ATP1B1: variants seen among roughly 807,000 people sequenced by gnomAD.
ATP1B1 encodes ATPase Na+/K+ transporting subunit beta 1.
In ATP1B1, 3 loss-of-function variants were observed where a neutral mutation model predicts 39.6. The observed-to-expected ratio is 0.08, with a 90% CI of 0.03 to 0.20. The LOEUF is 0.20. Among genes scored for constraint, ATP1B1 ranks in the 10% least tolerant of loss-of-function variants. The probability of loss-of-function intolerance (pLI) is 1.00; values close to 1 mark genes in which losing one functional copy is unlikely to be tolerated. For missense variants in ATP1B1, 216 were observed against 371.1 expected, an observed-to-expected ratio of 0.58 and a Z score of 3.43; for synonymous variants, 139 against 135.0, an observed-to-expected ratio of 1.03 and a Z score of -0.20.
chr1:169,115,150 A>C (rs1369970911), intron 2 of ATP1B1, among the ~76,000 whole-genome samples: 2 of 143,176 alleles, frequency 1.4e-5, no homozygotes, highest in Admixed American at 7.2e-5. Flanking sequence ...GTGCCATTGC[A>C]CTCCAGCCTG....
At chr1:169,127,160 T>A (rs1055436203) in intron 3 of ATP1B1, 64 bp from the exon 4 acceptor site, 8 of 1,478,018 alleles carry the variant, frequency 5.4e-6, no homozygotes, top group Non-Finnish European at 7.2e-6. Context: ...GAAGACAGTT[T>A]CTTTTTCTTA....
chr1:169,110,180 A>G (rs1325697064), intron 1 of ATP1B1, among the ~76,000 whole-genome samples: 1 of 152,032 alleles, frequency 6.6e-6, no homozygotes, highest in Non-Finnish European at 1.5e-5. Context: ...CTGATAGGAA[A>G]GTTGGGCTTT....
intron 2 of ATP1B1, among the ~76,000 whole-genome samples, chr1:169,121,302 A>G (rs773428967): frequency 2.6e-5 from 4 of 152,198 alleles, no homozygotes; most frequent in Non-Finnish European, 5.9e-5. Context: ...GTCATAGTCT[A>G]TCAGTAAACA....
chr1:169,131,625 A>G lies in ATP1B1; in HGVS notation c.*70A>G. 6.6e-7 allele frequency: 1 copy of G among 1,519,732 alleles called. No individual in the cohort carries two copies. The highest frequency in any genetic ancestry group is 1.3e-5 in the South Asian group (1 of 75,940). 94.1% of individuals were successfully genotyped at this position (1,519,732 alleles called of 1,614,324 possible). A position where few individuals can be genotyped will look rare whatever the true frequency, so the allele number is the denominator to read the frequency against. On this transcript the variant is annotated 3_prime_UTR_variant, in exon 6 of 6. Transcript: ENST00000367815. This position sits in a 1 kb window ranked among gnomAD's most constrained non-coding sequence, Gnocchi z 4.4. ...AAAGATACAAAAACAAAAACCTACT[A>G]GTCTTGAACAAACTGTCATACGTAT...
Position 169,132,124 on chromosome 1 carries a change from T to TTTA in ATP1B1, c.*572_*574dup, listed in dbSNP as rs1300738454. 1 of 534,120 alleles carries TTTA rather than the reference T, an allele frequency of 1.9e-6. No individual in the cohort carries two copies. Among genetic ancestry groups the TTTA allele is most frequent in the Non-Finnish European group, 3.7e-6 (1 of 272,840 alleles). 33.1% of individuals were successfully genotyped at this position (534,120 alleles called of 1,614,324 possible). On this transcript the variant is annotated 3_prime_UTR_variant, in exon 6 of 6. Transcript: ENST00000367815. The stretch of plus-strand genomic sequence containing the variant: ...TAGTCTTTTCCTGTGGTGTTAGGTC[T>TTTA]TTATTTTTATTTTTTTCCTGGGGGC...
intron 2 of ATP1B1, among the ~76,000 whole-genome samples, chr1:169,117,152 C>T (rs1310919060): frequency 6.6e-6 from 1 of 152,190 alleles, no homozygotes; most frequent in African/African-American, 2.4e-5. Flanking sequence ...AATCTCTCAG[C>T]TGACGCGATG....
chr1:169,113,440 C>T (rs995153346), intron 2 of ATP1B1, among the ~76,000 whole-genome samples: 2 of 151,598 alleles, frequency 1.3e-5, no homozygotes, highest in African/African-American at 4.9e-5. Context: ...CAGGAAATTT[C>T]CTAGATTAAA....
Position 169,127,366 on chromosome 1 carries a change from C to T in ATP1B1, c.525C>T (p.Cys175=). 1 of 1,611,744 alleles carries T rather than the reference C, an allele frequency of 6.2e-7. No individual in the cohort carries two copies. The highest frequency in any genetic ancestry group is 8.5e-7 in the Non-Finnish European group (1 of 1,179,356). The part of the protein sequence containing the change: ...ETYGYKEGKP[C]IIIKLNRVLG... ...ATGGCTACAAAGAGGGCAAACCGTG[C>T]ATTATTATAAAGCTCAACCGAGTTC... Residue 175 remains cysteine, a synonymous_variant, in exon 4 of 6, where the codon TGC becomes TGT. Coordinates refer to ENST00000367815, the MANE Select transcript of ATP1B1 (RefSeq NM_001677.4).
chr1:169,116,764 T>C (rs1434296949), intron 2 of ATP1B1, among the ~76,000 whole-genome samples: 1 of 151,336 alleles, frequency 6.6e-6, no homozygotes, highest in Non-Finnish European at 1.5e-5. Context: ...GGCAGGAGAA[T>C]CACTTGAACC....
chr1:169,130,334 T>A (rs908155369), intron 5 of ATP1B1, among the ~76,000 whole-genome samples: 2 of 152,060 alleles, frequency 1.3e-5, no homozygotes, highest in South Asian at 4.2e-4. Context: ...AACTCAAATA[T>A]CTGAATTTAA....
At chr1:169,114,981 G>T (rs545916855) in intron 2 of ATP1B1, among the ~76,000 whole-genome samples, 13 of 151,994 alleles carry the variant, frequency 8.6e-5, no homozygotes, top group Non-Finnish European at 1.6e-4. Context: ...TCAGGAGATC[G>T]AGACCATTCT....
intron 4 of ATP1B1, among the ~76,000 whole-genome samples, chr1:169,129,136 T>C (rs552185656): frequency 3.3e-4 from 51 of 152,372 alleles, no homozygotes; most frequent in African/African-American, 1.2e-3. Context: ...GATCATTTTC[T>C]TGCATCCAAA....
chr1:169,111,494 G>T lies in ATP1B1; in HGVS notation c.222G>T (p.Pro74=). ...CCACATATCAGGACCGAGTGGCCCCGCCAGGTAAAATCCACATGAATAGCT... is the reference window on the plus strand; with the variant it reads ...CCACATATCAGGACCGAGTGGCCCCTCCAGGTAAAATCCACATGAATAGCT... ...FKPTYQDRVA[P]PGLTQIPQIQ... is the part of the protein sequence containing the mutation. The change falls in exon 2 of 6, where the codon CCG becomes CCT. Residue 74 remains proline (P), a synonymous_variant. Coordinates refer to ENST00000367815, the MANE Select transcript of ATP1B1 (RefSeq NM_001677.4). The T allele has an allele frequency of 1.2e-6, 2 of 1,613,208 alleles. No individual in the cohort carries two copies. Among genetic ancestry groups the T allele is most frequent in the Non-Finnish European group, 1.7e-6 (2 of 1,179,478 alleles).
intron 4 of ATP1B1, among the ~76,000 whole-genome samples, chr1:169,128,601 C>T (rs558532434): frequency 3.9e-5 from 6 of 152,222 alleles, no homozygotes; most frequent in South Asian, 2.1e-4. Flanking sequence ...GGAAGAAAAA[C>T]GGTGAGAACC....
At position 169,111,408 on chromosome 1, in the gene ATP1B1, C is replaced by T. The variant is rs759690035; in HGVS notation, c.136C>T (p.Leu46=). The change falls in exon 2 of 6, where the codon CTG becomes TTG. Residue 46 remains leucine, a synonymous_variant. Coordinates refer to ENST00000367815, the MANE Select transcript of ATP1B1 (RefSeq NM_001677.4). ...ATTCTACGTAATATTTTATGGCTGC[C>T]TGGCTGGCATCTTCATCGGAACCAT... ...LLFYVIFYGC[L]AGIFIGTIQV... 6.2e-7 allele frequency: 1 copy of T among 1,614,220 alleles called. No homozygotes were observed. Among genetic ancestry groups the T allele is most frequent in the South Asian group, 1.1e-5 (1 of 91,086 alleles).
intron 1 of ATP1B1, among the ~76,000 whole-genome samples, chr1:169,111,121 G>C (rs1210294320): frequency 6.6e-6 from 1 of 151,870 alleles, no homozygotes; most frequent in Non-Finnish European, 1.5e-5. Context: ...AAAATATAAG[G>C]ATCCTAGTTC....
intron 2 of ATP1B1, among the ~76,000 whole-genome samples, chr1:169,122,062 C>A (rs2101786495): frequency 6.6e-6 from 1 of 152,304 alleles, no homozygotes; most frequent in Non-Finnish European, 1.5e-5. Flanking sequence ...TACATAAGTC[C>A]ATTTCTGTTC....
At chr1:169,106,991 C>A in intron 1 of ATP1B1, 65 bp downstream of exon 1, 1 of 1,455,632 alleles carries the variant, frequency 6.9e-7, no homozygotes, top group Non-Finnish European at 9.3e-7. Flanking sequence ...GCATCCCCTG[C>A]GCAGGGTCCG....
chr1:169,122,705 C>CCCCATAATT lies in ATP1B1; in HGVS notation c.227-2177_227-2169dup, dbSNP rs201763320. Among the ~76,000 whole-genome samples the CCCCATAATT allele has an allele frequency of 2.9e-3, 431 of 149,960 alleles. 18 individuals carry two copies. In the East Asian group the frequency reaches 0.074, roughly 26 times the overall value. ...TTCTATCACTGTTGAAATTTTTGTC[C>CCCCATAATT]CCCATAATTCTTCAGGTTCTACATC... On this transcript the variant is annotated intron_variant, in intron 2 of 5. Transcript: ENST00000367815.
Sources: allele counts gnomAD v4.1 joint callset (sites outside exome capture counted in the v4.1 genomes callset), GRCh38; gene constraint gnomAD v4.1.1; non-coding constraint Gnocchi (gnomAD v3.1); transcripts MANE v1.5; gene names NCBI Gene and HGNC (gene_info 2026-07-23, HGNC 2026-07-21).